Variants in AKAP8 observed in about 807,000 individuals in gnomAD.
AKAP8 encodes A-kinase anchor protein 8.
In AKAP8, 24 loss-of-function variants were observed where a neutral mutation model predicts 67.5. The observed-to-expected ratio is 0.36, with a 90% CI of 0.26 to 0.50. The LOEUF is 0.50. Ranked by LOEUF, AKAP8 falls within the 20% of genes least tolerant of loss-of-function variation. The pLI, the probability that AKAP8 is intolerant of heterozygous loss-of-function variation, is 0.97. For missense variants in AKAP8, 971 were observed against 955.9 expected, an observed-to-expected ratio of 1.02 and a Z score of -0.21; for synonymous variants, 400 against 371.1, an observed-to-expected ratio of 1.08 and a Z score of -0.90.
At chr19:15,372,545 C>T (rs1967177144) in intron 5 of AKAP8, among the ~76,000 whole-genome samples, 198 bp from the exon 6 acceptor site, 1 of 151,940 alleles carries the variant, frequency 6.6e-6, no homozygotes, top group South Asian at 2.1e-4. Context: ...CCACACGTTT[C>T]GCGACTCCAT....
At chr19:15,373,756 TC>T in intron 4 of AKAP8, 29 bp downstream of exon 4, 5 of 1,582,588 alleles carry the variant, frequency 3.2e-6, no homozygotes, top group Non-Finnish European at 3.4e-6. Context: ...ATGTGTGGGG[TC>T]CCGGGGGAGG....
At chr19:15,366,154 GAA>G (rs374068497) in intron 9 of AKAP8, among the ~76,000 whole-genome samples, 1 of 95,022 alleles carries the variant, frequency 1.1e-5, no homozygotes, top group African/African-American at 4.3e-5. Flanking sequence ...AAAGCAAAAA[GAA>G]AAAAAAAAAA....
Position 15,373,173 on chromosome 19 carries a change from C to A in AKAP8, c.539G>T (p.Arg180Leu), listed in dbSNP as rs144996992. 1.9e-6 allele frequency: 3 copies of A among 1,613,482 alleles called. No individual in the cohort carries two copies. The Admixed American group carries it at 5.0e-5, about 27-fold the overall frequency. Residue 180 changes from arginine (R) to leucine (L), a missense_variant, in exon 5 of 14, where the codon CGG (arginine) becomes CTG (leucine). By Grantham distance (102) the Arg-to-Leu change is moderately radical (BLOSUM62 -2). Around this residue, in one of 3 missense-constraint regions of AKAP8, gnomAD observed 763 missense variants for 745.4 expected, o/e 1.02. Coordinates refer to ENST00000269701, the MANE Select transcript of AKAP8 (RefSeq NM_005858.4). Reference sequence around the variant, plus strand: ...CCGCATGAAGCCATCAAGGGAGCCCCGCTCCCGGGCTGGGTCTCGGCATTC... The same window carrying A: ...CCGCATGAAGCCATCAAGGGAGCCCAGCTCCCGGGCTGGGTCTCGGCATTC... Reference protein sequence around the residue: ...YSECRDPARERGSLDGFMRGR... With the variant: ...YSECRDPARELGSLDGFMRGR...
chr19:15,361,281 G>T (rs567500421), intron 11 of AKAP8, among the ~76,000 whole-genome samples: 16 of 131,704 alleles, frequency 1.2e-4, no homozygotes, highest in Admixed American at 1.6e-4. Context: ...TCTTTCCATT[G>T]CTGCTGAGCG....
chr19:15,378,777 CCT>C (rs1446241176), intron 1 of AKAP8, among the ~76,000 whole-genome samples: 2 of 152,236 alleles, frequency 1.3e-5, no homozygotes, highest in Non-Finnish European at 2.9e-5. Context: ...CCAACTATCC[CCT>C]GTGGGCAAAC....
intron 12 of AKAP8, among the ~76,000 whole-genome samples, chr19:15,360,209 A>G (rs1172934430): frequency 6.6e-6 from 1 of 152,170 alleles, no homozygotes; most frequent in Non-Finnish European, 1.5e-5. Context: ...GTACTGTGAG[A>G]TGGGTGAGCA....
intron 9 of AKAP8, among the ~76,000 whole-genome samples, chr19:15,363,841 T>C (rs1967022016): frequency 6.6e-6 from 1 of 151,860 alleles, no homozygotes; most frequent in Non-Finnish European, 1.5e-5. Flanking sequence ...TGGGATCCTG[T>C]TGATCTGTGA....
intron 12 of AKAP8, among the ~76,000 whole-genome samples, chr19:15,359,992 G>A (rs910495315): frequency 3.9e-5 from 6 of 151,912 alleles, no homozygotes; most frequent in Non-Finnish European, 8.8e-5. Context: ...AAAATTAGCC[G>A]GGCATTGTGG....
chr19:15,355,886 G>A (rs1300557595), intron 13 of AKAP8, among the ~76,000 whole-genome samples: 1 of 151,878 alleles, frequency 6.6e-6, no homozygotes, highest in Non-Finnish European at 1.5e-5. Context: ...ACAGGCAGGA[G>A]CCACCACGCC....
chr19:15,355,111 T>C lies in AKAP8; in HGVS notation c.1883A>G (p.Gln628Arg). The C allele has an allele frequency of 6.2e-7, 1 of 1,613,840 alleles. No homozygotes were observed. ...DPQAEQLLEEQVPCGTAHEKG... is the reference protein window; with the variant it reads ...DPQAEQLLEERVPCGTAHEKG... ...CTCATGTGCCGTTCCACAGGGCACC[T>C]GCTCTTCCAGCAGCTGTTCGGCTTG... Residue 628 changes from glutamine (Q) to arginine (R), a missense_variant, in exon 14 of 14, where the codon CAG becomes CGG. Gln to Arg is a conservative substitution (Grantham distance 43, BLOSUM62 1). Coordinates refer to ENST00000269701, the MANE Select transcript of AKAP8 (RefSeq NM_005858.4).
rs71176407 is a variant in AKAP8, at chr19:15,370,625, C to CTTTTTTT, written c.1039-453_1039-447dup. Among the ~76,000 whole-genome samples the CTTTTTTT allele has an allele frequency of 1.3e-3, 104 of 80,956 alleles. 2 individuals are homozygous for CTTTTTTT. Among genetic ancestry groups the CTTTTTTT allele is most frequent in the East Asian group, 1.7e-3 (4 of 2,416 alleles). 53.1% of individuals were successfully genotyped at this position (80,956 alleles called of 152,430 possible). Reference sequence around the variant, plus strand: ...GCTTTTGTTTATATTTACCCAATGTCTTTTTTTTTTTTTTTTTTTTTTTTG... The same window carrying CTTTTTTT: ...GCTTTTGTTTATATTTACCCAATGTCTTTTTTTTTTTTTTTTTTTTTTTTTTTTTTTG... On this transcript the variant is annotated intron_variant, in intron 7 of 13. Coordinates refer to ENST00000269701, the MANE Select transcript of AKAP8 (RefSeq NM_005858.4).
intron 13 of AKAP8, among the ~76,000 whole-genome samples, chr19:15,357,604 CAAA>C (rs936940793): frequency 6.8e-6 from 1 of 146,094 alleles, no homozygotes; most frequent in African/African-American, 2.5e-5. Flanking sequence ...GACCCTGACT[CAAA>C]AAAAAAGACG....
chr19:15,359,163 C>T (rs1392585825), intron 12 of AKAP8, 101 bp from the exon 13 acceptor site: 8 of 1,058,754 alleles, frequency 7.6e-6, no homozygotes, highest in Non-Finnish European at 8.5e-6. Flanking sequence ...CAGCCCTATG[C>T]AGAGAAGCGA....
In AKAP8 at chr19:15,373,064, G is replaced by A. The variant is rs752004360; in HGVS notation, c.648C>T (p.Ser216=). 4.4e-6 allele frequency: 7 copies of A among 1,607,412 alleles called. No homozygotes were observed. Among genetic ancestry groups the A allele is most frequent in the Non-Finnish European group, 5.9e-6 (7 of 1,176,596 alleles). The change falls in exon 5 of 14, where the codon TCC becomes TCT. Residue 216 remains serine (S), a synonymous_variant. Coordinates refer to ENST00000269701, the MANE Select transcript of AKAP8 (RefSeq NM_005858.4). ...RSDPFVPPAA[S]SEPLSTPWNE... is the part of the protein sequence containing the mutation. ...TCCAGGGCGTGGACAGGGGCTCAGA[G>A]GACGCAGCGGGGGGCACGAAGGGGT...
chr19:15,366,525 ATTTTC>A (rs970035743), intron 9 of AKAP8, among the ~76,000 whole-genome samples: 4 of 144,560 alleles, frequency 2.8e-5, no homozygotes, highest in African/African-American at 1.0e-4. Context: ...TGGAACAGTG[ATTTTC>A]TTTTTTTTTT....
intron 13 of AKAP8, among the ~76,000 whole-genome samples, chr19:15,358,637 C>T (rs933829329): frequency 6.6e-6 from 1 of 152,102 alleles, no homozygotes; most frequent in Admixed American, 6.6e-5. Context: ...CCCAGCTTCC[C>T]GAGTAGGGCT....
At position 15,371,988 on chromosome 19, in the gene AKAP8, A is replaced by C; in HGVS notation, c.1002T>G (p.Ala334=). The C allele has an allele frequency of 6.2e-7, 1 of 1,614,154 alleles. No individual in the cohort carries two copies. Among genetic ancestry groups the C allele is most frequent in the Non-Finnish European group, 8.5e-7 (1 of 1,180,020 alleles). The change falls in exon 7 of 14, where the codon GCT becomes GCG. Residue 334 remains alanine, a synonymous_variant. Transcript: ENST00000269701. ...EGDFSENDDA[A]GDFRSGDEEF... Reference sequence around the variant, plus strand: ...CTTCATCTCCTGAGCGGAAGTCACCAGCTGCGTCATCTGCCAGACACAAAG... The same window carrying C: ...CTTCATCTCCTGAGCGGAAGTCACCCGCTGCGTCATCTGCCAGACACAAAG...
At position 15,355,095 on chromosome 19, in the gene AKAP8, C is replaced by T. The variant is rs551451888; in HGVS notation, c.1899G>A (p.Thr633=). 5.0e-6 allele frequency: 8 copies of T among 1,613,904 alleles called. No homozygotes were observed. Among genetic ancestry groups the T allele is most frequent in the African/African-American group, 2.7e-5 (2 of 75,032 alleles). ...CCTTGGGGACGCCCTTCTCATGTGC[C>T]GTTCCACAGGGCACCTGCTCTTCCA... ...QLLEEQVPCG[T]AHEKGVPKAR... The change falls in exon 14 of 14, where the codon ACG becomes ACA. Residue 633 remains threonine (T), a synonymous_variant. Coordinates refer to ENST00000269701, the MANE Select transcript of AKAP8 (RefSeq NM_005858.4).
At position 15,360,926 on chromosome 19, in the gene AKAP8, G is replaced by A. The variant is rs752851496; in HGVS notation, c.1449C>T (p.Ala483=). 6.2e-7 allele frequency: 1 copy of A among 1,613,758 alleles called. No individual in the cohort carries two copies. Among genetic ancestry groups the A allele is most frequent in the Non-Finnish European group, 8.5e-7 (1 of 1,179,934 alleles). Residue 483 remains alanine (A), a synonymous_variant, in exon 12 of 14, where the codon GCC becomes GCT. Coordinates refer to ENST00000269701, the MANE Select transcript of AKAP8 (RefSeq NM_005858.4). ...GCTGTGCAGGAATTAGCATGTCGCA[G>A]GCCAGGCAGTGAGCAGCCTCGATCT... ...FKKIEAAHCL[A]CDMLIPAQPQ...
Sources: gnomAD v4.1 joint callset for allele counts (sites outside exome capture counted in the v4.1 genomes callset) on GRCh38, gnomAD v4.1.1 for gene constraint, gnomAD v4.1.1 regional missense constraint, MANE v1.5 for transcripts, NCBI Gene and HGNC (gene_info 2026-07-23, HGNC 2026-07-21) for gene names.